The following GFAP variants were observed in gnomAD, a reference collection of about 807,000 sequenced individuals.
GFAP encodes intermediate filament protein.
In GFAP, 38 loss-of-function variants were observed where a neutral mutation model predicts 49.3. The observed-to-expected ratio is 0.77, with a 90% CI of 0.60 to 1.01. The LOEUF (loss-of-function observed/expected upper bound fraction) is 1.01, where lower values mean the gene tolerates loss of function less well. Among genes scored for constraint, GFAP ranks in the 50% least tolerant of loss-of-function variants. The probability of loss-of-function intolerance (pLI) is 0.00; values close to 1 mark genes in which losing one functional copy is unlikely to be tolerated. For synonymous variants in GFAP, 222 were observed against 236.4 expected (o/e 0.94, Z 0.56); for missense variants, 463 against 579.1 (o/e 0.80, Z 2.06).
Position 44,906,346 on chromosome 17 carries a change from C to T in GFAP, c.*1001G>A, listed in dbSNP as rs1042329. The T allele has an allele frequency of 0.11, 16,425 of 152,590 alleles. 890 individuals carry two copies. Among genetic ancestry groups the T allele is most frequent in the Middle Eastern group, 0.26 (76 of 296 alleles). The allele number at this position is 152,590 out of a possible 1,614,324, so 9.5% of individuals were successfully genotyped here. A position where few individuals can be genotyped will look rare whatever the true frequency, so the allele number is the denominator to read the frequency against. Reference sequence around the variant, plus strand: ...CCACAACCCCTACTTGTATGCCTAGCGCCATCCCAATTGCCTCCTCCTCCA... The same window carrying T: ...CCACAACCCCTACTTGTATGCCTAGTGCCATCCCAATTGCCTCCTCCTCCA... On this transcript the variant is annotated 3_prime_UTR_variant, in exon 9 of 9. Coordinates refer to ENST00000588735, the MANE Select transcript of GFAP (RefSeq NM_002055.5).
intron 7 of GFAP, chr17:44,909,919 C>T (rs914256177): frequency 1.8e-5 from 26 of 1,412,996 alleles, no homozygotes; most frequent in Admixed American, 1.2e-4. Context: ...CACCCAAGGA[C>T]TCACCACCTT....
At position 44,903,935 on chromosome 17, in the gene GFAP, C is replaced by T; in HGVS notation, c.*3412G>A. On this transcript the variant is annotated 3_prime_UTR_variant, in exon 9 of 9. Coordinates refer to ENST00000588735, the MANE Select transcript of GFAP (RefSeq NM_002055.5). ...TCAGAGGACCCCCTGCCCTGCTTTC[C>T]TGATGTTTGAAAATGCAGCCTACCT... 1 of 1,550,546 alleles carries T rather than the reference C, an allele frequency of 6.4e-7. No homozygotes were observed. The highest frequency in any genetic ancestry group is 8.7e-7 in the Non-Finnish European group (1 of 1,146,990).
At chr17:44,914,309 G>A (rs920104600) in intron 1 of GFAP, 2 of 576,876 alleles carry the variant, frequency 3.5e-6, no homozygotes, top group South Asian at 2.1e-5. Flanking sequence ...CCTTATCAGG[G>A]TTGGTGCACC....
At position 44,906,228 on chromosome 17, in the gene GFAP, GAT is replaced by G. The variant is rs1412199405; in HGVS notation, c.*1117_*1118del. The G allele has an allele frequency of 6.6e-6, 1 of 152,268 alleles. No homozygotes were observed. Among genetic ancestry groups the G allele is most frequent in the African/African-American group, 2.4e-5 (1 of 41,426 alleles). The allele number at this position is 152,268 out of a possible 1,614,324, so 9.4% of individuals were successfully genotyped here. On this transcript the variant is annotated 3_prime_UTR_variant, in exon 9 of 9. Transcript: ENST00000588735. Reference sequence around the variant, plus strand: ...GACAAAGTCATGCCCTGCCCCCATGGATACATCCCCTTTCTCTCCTGTTTCAG... The same window carrying G: ...GACAAAGTCATGCCCTGCCCCCATGGACATCCCCTTTCTCTCCTGTTTCAG...
intron 4 of GFAP, among the ~76,000 whole-genome samples, chr17:44,912,135 T>C (rs1360454635): frequency 6.6e-6 from 1 of 152,098 alleles, no homozygotes; most frequent in Non-Finnish European, 1.5e-5. Flanking sequence ...TTTTTTGTTT[T>C]ATTTTGAGAC....
intron 8 of GFAP, 79 bp downstream of exon 8, chr17:44,907,985 C>T: frequency 3.0e-6 from 3 of 988,642 alleles, no homozygotes; most frequent in Non-Finnish European, 4.9e-6. Flanking sequence ...ATGTGCCAGC[C>T]CCAGGCTTTC....
chr17:44,914,937 C>T lies in GFAP; in HGVS notation c.461+89G>A, dbSNP rs184429298. The T allele has an allele frequency of 3.1e-4, 357 of 1,169,846 alleles. 1 individual carries two copies. Among genetic ancestry groups the T allele is most frequent in the South Asian group, 4.5e-4 (35 of 77,038 alleles). The allele number at this position is 1,169,846 out of a possible 1,614,324, so 72.5% of individuals were successfully genotyped here. A position where few individuals can be genotyped will look rare whatever the true frequency, so the allele number is the denominator to read the frequency against. Reference sequence around the variant, plus strand: ...GGGAGGCCCAGGGAGCAGGGAGGTTCGGCCCCTCCCTGAGACTTCTCGGGC... The same window carrying T: ...GGGAGGCCCAGGGAGCAGGGAGGTTTGGCCCCTCCCTGAGACTTCTCGGGC... On this transcript the variant is annotated intron_variant, in intron 1 of 8. Transcript: ENST00000588735.
intron 6 of GFAP, 58 bp from the exon 7 acceptor site, chr17:44,910,716 G>A: frequency 1.3e-6 from 2 of 1,559,940 alleles, no homozygotes; most frequent in African/African-American, 1.3e-5. Context: ...CCTAGGCTGG[G>A]TCTTGGTGCG....
chr17:44,911,268 G>C lies in GFAP; in HGVS notation c.1095C>G (p.Thr365=). The C allele has an allele frequency of 6.2e-7, 1 of 1,614,202 alleles. No individual in the cohort carries two copies. Among genetic ancestry groups the C allele is most frequent in the Non-Finnish European group, 8.5e-7 (1 of 1,180,036 alleles). The change falls in exon 6 of 9, where the codon ACC becomes ACG. Residue 365 remains threonine, a synonymous_variant. Coordinates refer to ENST00000588735, the MANE Select transcript of GFAP (RefSeq NM_002055.5). ...CCTCGCCCTCTAGCAGCTTCCTGTA[G>C]GTGGCGATCTCGATGTCCAGGGCCA... ...VKLALDIEIA[T]YRKLLEGEEN...
intron 4 of GFAP, 71 bp from the exon 5 acceptor site, chr17:44,911,868 G>A (rs943639567): frequency 1.9e-6 from 3 of 1,540,316 alleles, no homozygotes; most frequent in Non-Finnish European, 2.7e-6. Context: ...AATCAGGGAG[G>A]TGAGCAGCAC....
chr17:44,911,198 GC>G (rs1466973902), intron 6 of GFAP, 37 bp downstream of exon 6: 1 of 1,560,766 alleles, frequency 6.4e-7, no homozygotes, highest in Non-Finnish European at 8.8e-7. Context: ...CCGTGAGGCA[GC>G]AGGGAGACTT....
chr17:44,904,682 C>G lies in GFAP; in HGVS notation c.*2665G>C, dbSNP rs1320995213. On this transcript the variant is annotated 3_prime_UTR_variant, in exon 9 of 9. Transcript: ENST00000588735. ...CCACCAGCAGAGACTGGGCCATGGA[C>G]TCATCATCTCCTGTCCTGGGGCCCG... 5 of 1,550,476 alleles carry G rather than the reference C, an allele frequency of 3.2e-6. No individual in the cohort carries two copies. Among genetic ancestry groups the G allele is most frequent in the Non-Finnish European group, 4.4e-6 (5 of 1,147,006 alleles).
chr17:44,913,623 C>T (rs1567776443), intron 3 of GFAP, 105 bp downstream of exon 3: 1 of 1,060,414 alleles, frequency 9.4e-7, no homozygotes, highest in South Asian at 1.3e-5. Context: ...CTGTTTCTCT[C>T]CTCTCTCTGA....
intron 7 of GFAP, chr17:44,908,372 T>C (rs915764623): frequency 4.8e-5 from 24 of 499,988 alleles, no homozygotes; most frequent in Middle Eastern, 5.1e-4. Context: ...CCTGGCTTCA[T>C]TTCAGCCCCT....
At chr17:44,910,121 C>T (rs1435987109) in intron 7 of GFAP, 1 of 1,613,938 alleles carries the variant, frequency 6.2e-7, no homozygotes, top group South Asian at 1.1e-5. Flanking sequence ...AGCGCCGTGT[C>T]TGAGAGGCAG....
chr17:44,913,442 G>A lies in GFAP; in HGVS notation c.619-12C>T, dbSNP rs3744468. 199,377 of 1,612,682 alleles carry A rather than the reference G, an allele frequency of 0.12. 13,476 individuals carry two copies. The highest frequency in any genetic ancestry group is 0.25 in the African/African-American group (18,789 of 74,954). On this transcript the variant is annotated splice_polypyrimidine_tract_variant and intron_variant, in intron 3 of 8. Transcript: ENST00000588735. ...AGTTCCCGAACCTCCTGACCAGGGT[G>A]AGAGAAGCGGTACCAGGGCTCAGGG... is the stretch of plus-strand genomic sequence containing the variant.
At chr17:44,907,615 T>A in intron 8 of GFAP, 1 of 620,994 alleles carries the variant, frequency 1.6e-6, no homozygotes, top group South Asian at 1.8e-5. Flanking sequence ...TGGAGTAAGA[T>A]GAGCTCCCAC....
rs1044835745 is a variant in GFAP, at chr17:44,904,598, A to C, written c.*2749T>G. Reference sequence around the variant, plus strand: ...CATCCGGGAGGGCGTGCTGGCCATCATTAACTATGTGTCCAAAGTGGGCAG... The same window carrying C: ...CATCCGGGAGGGCGTGCTGGCCATCCTTAACTATGTGTCCAAAGTGGGCAG... On this transcript the variant is annotated 3_prime_UTR_variant, in exon 9 of 9. Transcript: ENST00000588735. The C allele has an allele frequency of 2.6e-6, 4 of 1,550,580 alleles. No individual in the cohort carries two copies. The highest frequency in any genetic ancestry group is 3.5e-6 in the Non-Finnish European group (4 of 1,146,994).
intron 7 of GFAP, 120 bp downstream of exon 7, chr17:44,910,495 C>T (rs747717524): frequency 2.6e-6 from 4 of 1,553,148 alleles, no homozygotes; most frequent in South Asian, 2.4e-5. Context: ...GTCACGAAGG[C>T]CCCCAGGGAG....
Sources: gnomAD v4.1 joint callset for allele counts (sites outside exome capture counted in the v4.1 genomes callset) on GRCh38, gnomAD v4.1.1 for gene constraint, MANE v1.5 for transcripts, NCBI Gene and HGNC (gene_info 2026-07-23, HGNC 2026-07-21) for gene names.